The following CTNNA3 variants were observed in gnomAD, a reference collection of about 807,000 sequenced individuals.
CTNNA3 encodes the protein catenin alpha 3.
Under a neutral mutation model 95.7 loss-of-function variants are expected in CTNNA3, and 76 were observed. The ratio of observed to expected loss-of-function variants is 0.79; its 90% CI spans 0.66 to 0.96. The LOEUF (loss-of-function observed/expected upper bound fraction) is 0.96. Ranked by LOEUF, CTNNA3 falls within the 40% of genes least tolerant of loss-of-function variation. The pLI is 0.00. For synonymous variants in CTNNA3, 431 were observed against 374.4 expected (o/e 1.15, Z -1.74); for missense variants, 1,191 against 1,089.8 (o/e 1.09, Z -1.31).
chr10:66,718,422 A>C (rs1321410236), intron 9 of CTNNA3, among the ~76,000 whole-genome samples: 2 of 152,110 alleles, frequency 1.3e-5, no homozygotes, highest in African/African-American at 4.8e-5. Context: ...AATTGACTAC[A>C]GTGGAGTCAA....
intron 10 of CTNNA3, among the ~76,000 whole-genome samples, chr10:66,537,463 G>A (rs1241893849): frequency 1.3e-5 from 2 of 151,750 alleles, no homozygotes; most frequent in Non-Finnish European, 2.9e-5. Flanking sequence ...TTAGTTTATC[G>A]ATGTTTATGT....
intron 9 of CTNNA3, among the ~76,000 whole-genome samples, chr10:66,651,048 G>A (rs1845879150): frequency 6.6e-6 from 1 of 152,154 alleles, no homozygotes; most frequent in Non-Finnish European, 1.5e-5. Context: ...GCTGATTGGT[G>A]CATTTACAAT....
chr10:66,918,100 C>A (rs1846590234), intron 7 of CTNNA3, among the ~76,000 whole-genome samples: 1 of 152,188 alleles, frequency 6.6e-6, no homozygotes, highest in African/African-American at 2.4e-5. Flanking sequence ...GCTTAAGTGA[C>A]TACAAATGAA....
intron 11 of CTNNA3, among the ~76,000 whole-genome samples, chr10:66,388,869 G>A (rs1262183006): frequency 1.3e-5 from 2 of 151,996 alleles, no homozygotes; most frequent in African/African-American, 4.8e-5. Context: ...AGAATGCTAG[G>A]AACAACTATT....
chr10:65,979,935 C>T (rs1357731714), intron 16 of CTNNA3, among the ~76,000 whole-genome samples: 2 of 151,956 alleles, frequency 1.3e-5, no homozygotes, highest in Non-Finnish European at 2.9e-5. Flanking sequence ...TAGGCATCAA[C>T]ATTTCTGCCA....
chr10:67,485,237 C>A (rs1038205787), intron 5 of CTNNA3, among the ~76,000 whole-genome samples: 3 of 152,142 alleles, frequency 2.0e-5, no homozygotes, highest in Middle Eastern at 3.2e-3. Context: ...AAATACCACA[C>A]GTTCTCATTT....
At chr10:66,996,411 C>T (rs558196142) in intron 7 of CTNNA3, among the ~76,000 whole-genome samples, 52 of 151,984 alleles carry the variant, frequency 3.4e-4, no homozygotes, top group African/African-American at 1.2e-3. Context: ...TTTGGGAGGC[C>T]GAGACGGGCA....
chr10:66,220,453 G>A (rs983951703), intron 13 of CTNNA3, among the ~76,000 whole-genome samples: 4 of 152,124 alleles, frequency 2.6e-5, no homozygotes, highest in Non-Finnish European at 5.9e-5. Context: ...GTGTGGCCCC[G>A]TGGCAGAGTT....
chr10:66,468,674 T>C (rs1054810104), intron 11 of CTNNA3, among the ~76,000 whole-genome samples: 5 of 150,374 alleles, frequency 3.3e-5, no homozygotes, highest in African/African-American at 1.2e-4. Context: ...TTTATTAGCT[T>C]GATTGTAGTA....
intron 9 of CTNNA3, among the ~76,000 whole-genome samples, chr10:66,634,320 G>GA (rs1398611564): frequency 6.6e-6 from 1 of 151,846 alleles, no homozygotes; most frequent in Non-Finnish European, 1.5e-5. Flanking sequence ...TGATTACATA[G>GA]AAAAAAATGC....
At chr10:65,972,805 A>G (rs1249711539) in intron 16 of CTNNA3, among the ~76,000 whole-genome samples, 1 of 152,030 alleles carries the variant, frequency 6.6e-6, no homozygotes, top group African/African-American at 2.4e-5. Context: ...TATTCCTATC[A>G]AGCAACCAAC....
At chr10:66,904,390 G>A (rs1845894914) in intron 7 of CTNNA3, among the ~76,000 whole-genome samples, 2 of 152,174 alleles carry the variant, frequency 1.3e-5, no homozygotes, top group South Asian at 2.1e-4. Context: ...AGACTTAAAT[G>A]TAAGACCTAA....
At chr10:66,733,737 G>T (rs1849039964) in intron 9 of CTNNA3, among the ~76,000 whole-genome samples, 1 of 151,528 alleles carries the variant, frequency 6.6e-6, no homozygotes, top group Non-Finnish European at 1.5e-5. Context: ...CTCTGTATTT[G>T]TAACTAAAGT....
intron 7 of CTNNA3, among the ~76,000 whole-genome samples, chr10:66,862,916 CA>C (rs1333138935): frequency 6.6e-6 from 1 of 152,062 alleles, no homozygotes; most frequent in African/African-American, 2.4e-5. Context: ...TGCCCTTTCC[CA>C]AAGTAAGGAA....
chr10:66,069,177 T>C (rs2080375646), intron 15 of CTNNA3, 131 bp downstream of exon 15: 1 of 792,674 alleles, frequency 1.3e-6, no homozygotes, highest in African/African-American at 1.7e-5. Flanking sequence ...TACAACTTTC[T>C]AATACTATAT....
intron 10 of CTNNA3, among the ~76,000 whole-genome samples, chr10:66,611,348 T>G (rs1295686965): frequency 6.6e-6 from 1 of 152,138 alleles, no homozygotes; most frequent in Non-Finnish European, 1.5e-5. Context: ...TACCCTGATT[T>G]GATTATTACA....
chr10:65,959,535 A>C (rs1177221834), intron 17 of CTNNA3, among the ~76,000 whole-genome samples: 1 of 151,842 alleles, frequency 6.6e-6, no homozygotes, highest in Non-Finnish European at 1.5e-5. Context: ...TCCCTTTTTT[A>C]GTGTTTTGAG....
intron 7 of CTNNA3, among the ~76,000 whole-genome samples, chr10:66,823,707 C>T (rs1022312666): frequency 3.9e-5 from 6 of 152,106 alleles, no homozygotes; most frequent in African/African-American, 9.7e-5. Context: ...CTAGACACTG[C>T]GCTGGACACT....
chr10:66,334,457 G>T (rs147600076), intron 12 of CTNNA3, among the ~76,000 whole-genome samples: 9,252 of 151,814 alleles, frequency 0.061, 443 homozygotes, highest in East Asian at 0.1. Flanking sequence ...GTGTTTGCTT[G>T]TCTGTAAAGT....
Sources: allele counts gnomAD v4.1 joint callset (sites outside exome capture counted in the v4.1 genomes callset), GRCh38; gene constraint gnomAD v4.1.1; transcripts MANE v1.5; gene names NCBI Gene and HGNC (gene_info 2026-07-23, HGNC 2026-07-21).